SPEN: variants seen among roughly 807,000 people sequenced by gnomAD.
SPEN encodes the protein msx2-interacting protein.
Under a neutral mutation model 269.9 loss-of-function variants are expected in SPEN, and 18 were observed. The ratio of observed to expected loss-of-function variants is 0.07; its 90% confidence interval spans 0.05 to 0.10. The LOEUF (loss-of-function observed/expected upper bound fraction) is 0.10, where lower values mean the gene tolerates loss of function less well. Ranked by LOEUF, SPEN falls within the 10% of genes least tolerant of loss-of-function variation. SPEN has a pLI of 1.00. For missense variants in SPEN, 3,822 were observed against 4,631.2 expected (o/e 0.83, Z 5.07); for synonymous variants, 1,726 against 1,765.7 (o/e 0.98, Z 0.56).
chr1:15,881,609 A>AT (rs1449860356), intron 3 of SPEN, among the ~76,000 whole-genome samples: 4 of 152,362 alleles, frequency 2.6e-5, no homozygotes, highest in African/African-American at 9.6e-5. Context: ...CTTAGTTAAC[A>AT]TGAAGGATAA....
intron 13 of SPEN, among the ~76,000 whole-genome samples, chr1:15,938,393 G>C (rs2071300315): frequency 6.6e-6 from 1 of 152,144 alleles, no homozygotes; most frequent in Non-Finnish European, 1.5e-5. Context: ...TGGGATTACA[G>C]GCCTGAGCCA....
chr1:15,933,428 G>C lies in SPEN; in HGVS notation c.7188G>C (p.Gln2396His), dbSNP rs1273741765. The part of the protein sequence containing the change: ...QSEKPHSTPP[Q>H]SCTSDLSKIP... ...AGAAACCCCATTCCACTCCTCCTCAGTCATGTACTTCTGACCTAAGCAAGA... is the reference window on the plus strand; with the variant it reads ...AGAAACCCCATTCCACTCCTCCTCACTCATGTACTTCTGACCTAAGCAAGA... The change falls in exon 11 of 15, where the codon CAG (glutamine) becomes CAC (histidine). Residue 2396 changes from glutamine to histidine, a missense_variant. Around this residue, in one of 16 missense-constraint regions of SPEN, gnomAD observed 727 missense variants for 737.9 expected, o/e 0.99. Coordinates refer to ENST00000375759, the MANE Select transcript of SPEN (RefSeq NM_015001.3). This position sits in a 1 kb window ranked among gnomAD's most constrained non-coding sequence, Gnocchi z 5.7. The C allele has an allele frequency of 6.2e-7, 1 of 1,614,124 alleles. No individual in the cohort carries two copies. The highest frequency in any genetic ancestry group is 2.2e-5 in the East Asian group (1 of 44,878).
Position 15,939,008 on chromosome 1 carries a change from C to T in SPEN, c.10863+132C>T. The stretch of plus-strand genomic sequence containing the variant: ...GCAAAGGGGCATTTTGGACAGAAGT[C>T]AGTAGAGCACATGGGGCGGGGCGCC... On this transcript the variant is annotated intron_variant, in intron 14 of 14. Transcript: ENST00000375759. This position sits in a 1 kb window ranked among gnomAD's most constrained non-coding sequence, Gnocchi z 4.1. The T allele has an allele frequency of 8.3e-7, 1 of 1,205,484 alleles. No individual in the cohort carries two copies. The highest frequency in any genetic ancestry group is 1.2e-6 in the Non-Finnish European group (1 of 864,618). 74.7% of individuals were successfully genotyped at this position (1,205,484 alleles called of 1,614,324 possible).
intron 8 of SPEN, among the ~76,000 whole-genome samples, chr1:15,920,409 T>TA (rs1303591347): frequency 6.6e-6 from 1 of 152,208 alleles, no homozygotes; most frequent in East Asian, 1.9e-4. Context: ...ATACACATCT[T>TA]AAAGATTGCC....
chr1:15,920,813 T>A (rs1470345068), intron 8 of SPEN, 57 bp from the exon 9 acceptor site: 7 of 893,850 alleles, frequency 7.8e-6, no homozygotes, highest in Non-Finnish European at 1.2e-5. Flanking sequence ...TTGTTGGGAC[T>A]GACACTAAGT....
At position 15,910,974 on chromosome 1, in the gene SPEN, C is replaced by T. The variant is rs533874242; in HGVS notation, c.1043-127C>T. The T allele has an allele frequency of 1.1e-5, 8 of 730,530 alleles. No homozygotes were observed. The African/African-American group carries it at 1.4e-4, about 13-fold the overall frequency. The allele number at this position is 730,530 out of a possible 1,614,324, so 45.3% of individuals were successfully genotyped here. ...GTGCCTCCCTCAGACCTTGTTATGA[C>T]ATTAGTATATTACCTGTCTGACATG... On this transcript the variant is annotated intron_variant, in intron 4 of 14. Transcript: ENST00000375759.
rs2070478965 is a variant in SPEN at position 15,864,471 on chromosome 1, T to G, written c.84-8345T>G. Among the ~76,000 whole-genome samples the G allele has an allele frequency of 5.3e-5, 2 of 37,704 alleles. 1 individual carries two copies. Among genetic ancestry groups the G allele is most frequent in the Non-Finnish European group, 1.1e-4 (2 of 18,366 alleles). 24.7% of individuals were successfully genotyped at this position (37,704 alleles called of 152,430 possible). On this transcript the variant is annotated intron_variant, in intron 1 of 14. Coordinates refer to ENST00000375759, the MANE Select transcript of SPEN (RefSeq NM_015001.3). Reference sequence around the variant, plus strand: ...AGGCGTGAGCCTCTGTGCCGGCCGGTTTTTTTTTTTTTTTTTTTAATATTG... The same window carrying G: ...AGGCGTGAGCCTCTGTGCCGGCCGGGTTTTTTTTTTTTTTTTTTAATATTG...
At chr1:15,882,031 G>A (rs188443915) in intron 3 of SPEN, among the ~76,000 whole-genome samples, 1 of 152,292 alleles carries the variant, frequency 6.6e-6, no homozygotes, top group African/African-American at 2.4e-5. Flanking sequence ...TGAAGAGATT[G>A]CTAGTGGGGT....
In SPEN at chr1:15,933,105, C is replaced by G; in HGVS notation, c.6865C>G (p.Pro2289Ala). 2 of 1,614,168 alleles carry G rather than the reference C, an allele frequency of 1.2e-6. No homozygotes were observed. Among genetic ancestry groups the G allele is most frequent in the Non-Finnish European group, 1.7e-6 (2 of 1,180,026 alleles). Residue 2289 changes from proline to alanine, a missense_variant, in exon 11 of 15, where the codon CCT becomes GCT. Pro to Ala is a conservative substitution (Grantham distance 27). Transcript: ENST00000375759. This position sits in a 1 kb window ranked among gnomAD's most constrained non-coding sequence, Gnocchi z 5.7. ...ATCTTCTAGGCCTCCAGTCAATGCTCCTGACCCCTCAGCCGGCCCAACAGA... is the reference window on the plus strand; with the variant it reads ...ATCTTCTAGGCCTCCAGTCAATGCTGCTGACCCCTCAGCCGGCCCAACAGA... Reference protein sequence around the residue: ...TESSRPPVNAPDPSAGPTDTK... With the variant: ...TESSRPPVNAADPSAGPTDTK...
At chr1:15,858,052 T>A (rs1024016176) in intron 1 of SPEN, among the ~76,000 whole-genome samples, 1 of 152,078 alleles carries the variant, frequency 6.6e-6, no homozygotes, top group East Asian at 1.9e-4. Context: ...CACTTGAACC[T>A]TGTAGTTGGA....
chr1:15,907,174 A>C (rs2070965095), intron 3 of SPEN, among the ~76,000 whole-genome samples: 1 of 152,128 alleles, frequency 6.6e-6, no homozygotes, highest in Non-Finnish European at 1.5e-5. Flanking sequence ...CATAGAACTT[A>C]TTTAGTTTTA....
At chr1:15,850,732 T>C (rs2070327705) in intron 1 of SPEN, among the ~76,000 whole-genome samples, 3 of 152,132 alleles carry the variant, frequency 2.0e-5, no homozygotes, top group Admixed American at 1.3e-4. Flanking sequence ...AAAAGTGAAA[T>C]CTGAATAATT....
At position 15,934,474 on chromosome 1, in the gene SPEN, C is replaced by T. The variant is rs529018913; in HGVS notation, c.8234C>T (p.Ala2745Val). 19 of 1,613,986 alleles carry T rather than the reference C, an allele frequency of 1.2e-5. No homozygotes were observed. In the South Asian group the frequency reaches 1.2e-4, roughly 10 times the overall value. The change falls in exon 11 of 15, where the codon GCG becomes GTG. Residue 2745 changes from alanine to valine, a missense_variant. Physicochemically the swap from Ala to Val is moderately conservative, Grantham distance 64. Coordinates refer to ENST00000375759, the MANE Select transcript of SPEN (RefSeq NM_015001.3). The surrounding 1 kb of genome is among the most constrained non-coding windows in gnomAD (Gnocchi z 9.2). The stretch of plus-strand genomic sequence containing the variant: ...AGTGCAGTGACCGTCACAGCGGGTG[C>T]GGTTACTGCTGCATCTGGTGGTGTA... The part of the protein sequence containing the change: ...TASAVTVTAG[A>V]VTAASGGVTA...
intron 3 of SPEN, among the ~76,000 whole-genome samples, chr1:15,897,609 G>A (rs866650913): frequency 4.6e-5 from 7 of 151,892 alleles, no homozygotes; most frequent in African/African-American, 1.7e-4. Context: ...TGATCCCCCC[G>A]CCTCGGCCTC....
Position 15,929,122 on chromosome 1 carries a change from G to A in SPEN, c.2882G>A (p.Arg961Lys). Reference sequence around the variant, plus strand: ...GAGAAGGAAGGCAGGCTTAAAGCCAGGAAGCACCTCAAGCCTGAGCAGCCT... The same window carrying A: ...GAGAAGGAAGGCAGGCTTAAAGCCAAGAAGCACCTCAAGCCTGAGCAGCCT... ...VVEKEGRLKA[R>K]KHLKPEQPAD... Residue 961 changes from arginine to lysine, a missense_variant, in exon 11 of 15, where the codon AGG becomes AAG. Arg to Lys is a conservative substitution (Grantham distance 26). This residue lies in a region of SPEN where 572 missense variants were observed against 582.6 expected (regional missense o/e 0.98). Coordinates refer to ENST00000375759, the MANE Select transcript of SPEN (RefSeq NM_015001.3). The surrounding 1 kb of genome is among the most constrained non-coding windows in gnomAD (Gnocchi z 5.8). 1 of 1,614,200 alleles carries A rather than the reference G, an allele frequency of 6.2e-7. No homozygotes were observed.
At chr1:15,859,729 A>G (rs2070424155) in intron 1 of SPEN, among the ~76,000 whole-genome samples, 1 of 151,680 alleles carries the variant, frequency 6.6e-6, no homozygotes, top group Non-Finnish European at 1.5e-5. Flanking sequence ...TATTTCCTGT[A>G]TATTGGATTG....
At chr1:15,853,254 A>G (rs1000169117) in intron 1 of SPEN, among the ~76,000 whole-genome samples, 8 of 151,414 alleles carry the variant, frequency 5.3e-5, no homozygotes, top group African/African-American at 1.9e-4. Flanking sequence ...CAGTGGCAGG[A>G]TCCTGGCTCA....
intron 1 of SPEN, among the ~76,000 whole-genome samples, chr1:15,869,052 A>C (rs2070546198): frequency 6.6e-6 from 1 of 152,068 alleles, no homozygotes; most frequent in Non-Finnish European, 1.5e-5. Flanking sequence ...TATTAAATTA[A>C]TTATTTATTA....
chr1:15,848,895 C>T lies in SPEN; in HGVS notation c.83+745C>T, dbSNP rs1195334845. Among the ~76,000 whole-genome samples, 1 of 152,162 alleles carries T rather than the reference C, an allele frequency of 6.6e-6. No homozygotes were observed. Among genetic ancestry groups the T allele is most frequent in the Non-Finnish European group, 1.5e-5 (1 of 68,028 alleles). On this transcript the variant is annotated intron_variant, in intron 1 of 14. Coordinates refer to ENST00000375759, the MANE Select transcript of SPEN (RefSeq NM_015001.3). This position sits in a 1 kb window ranked among gnomAD's most constrained non-coding sequence, Gnocchi z 5.1. Reference sequence around the variant, plus strand: ...CGCCCGTAGCCTCGGGTCGCACTCCCAGGCCGCCCTAAGACCCTGGTGCCC... The same window carrying T: ...CGCCCGTAGCCTCGGGTCGCACTCCTAGGCCGCCCTAAGACCCTGGTGCCC...
Sources: gnomAD v4.1 joint callset for allele counts (sites outside exome capture counted in the v4.1 genomes callset) on GRCh38, gnomAD v4.1.1 for gene constraint, gnomAD v4.1.1 regional missense constraint, Gnocchi (gnomAD v3.1) non-coding constraint, MANE v1.5 for transcripts, NCBI Gene and HGNC (gene_info 2026-07-23, HGNC 2026-07-21) for gene names.